The following ASIC2 variants were observed in gnomAD, a reference collection of about 807,000 sequenced individuals.
The protein encoded by ASIC2 is acid-sensing ion channel 2.
Under a neutral mutation model 57.3 loss-of-function variants are expected in ASIC2, and 25 were observed. The ratio of observed to expected loss-of-function variants is 0.44; its 90% CI spans 0.32 to 0.61. The LOEUF (loss-of-function observed/expected upper bound fraction) is 0.61. Among genes scored for constraint, ASIC2 ranks in the 20% least tolerant of loss-of-function variants. The probability of loss-of-function intolerance (pLI) is 0.06; values close to 1 mark genes in which losing one functional copy is unlikely to be tolerated. For synonymous variants in ASIC2, 319 were observed against 307.5 expected, an observed-to-expected ratio of 1.04 and a Z score of -0.39; for missense variants, 641 against 738.1, an observed-to-expected ratio of 0.87 and a Z score of 1.52.
chr17:33,130,939 C>T (rs1409028104), intron 1 of ASIC2, among the ~76,000 whole-genome samples: 1 of 152,180 alleles, frequency 6.6e-6, no homozygotes, highest in African/African-American at 2.4e-5. Flanking sequence ...ATCCACATGC[C>T]ACTGCTTATC....
At chr17:33,516,777 T>G (rs544603928) in intron 1 of ASIC2, among the ~76,000 whole-genome samples, 3 of 152,336 alleles carry the variant, frequency 2.0e-5, no homozygotes, top group African/African-American at 7.2e-5. Context: ...TCCCTGTCTC[T>G]GGGACACTTT....
At chr17:33,234,484 C>A (rs1272835991) in intron 1 of ASIC2, among the ~76,000 whole-genome samples, 1 of 152,164 alleles carries the variant, frequency 6.6e-6, no homozygotes, top group Non-Finnish European at 1.5e-5. Context: ...CTTCTCTGCC[C>A]ACAGGCACTC....
At chr17:33,981,026 C>T (rs1367862790) in intron 1 of ASIC2, among the ~76,000 whole-genome samples, 1 of 150,976 alleles carries the variant, frequency 6.6e-6, no homozygotes, top group Non-Finnish European at 1.5e-5. Context: ...ACCTCTGCCT[C>T]CTGGGTTCAA....
intron 1 of ASIC2, among the ~76,000 whole-genome samples, chr17:33,732,691 G>A (rs895432226): frequency 1.3e-5 from 2 of 151,910 alleles, no homozygotes; most frequent in Admixed American, 1.3e-4. Flanking sequence ...AGGCTGGAGT[G>A]CAGTGGTGAG....
intron 1 of ASIC2, among the ~76,000 whole-genome samples, chr17:33,130,298 C>T (rs1268021209): frequency 6.6e-6 from 1 of 152,132 alleles, no homozygotes; most frequent in Non-Finnish European, 1.5e-5. Flanking sequence ...CCCTTCCTCC[C>T]CCTCCTCATC....
intron 1 of ASIC2, among the ~76,000 whole-genome samples, chr17:33,834,865 C>A (rs1307483724): frequency 6.6e-6 from 1 of 152,122 alleles, no homozygotes; most frequent in African/African-American, 2.4e-5. Flanking sequence ...GTCCTGTTCA[C>A]CATGTTGGCC....
intron 1 of ASIC2, among the ~76,000 whole-genome samples, chr17:33,558,609 G>A (rs1329768122): frequency 6.6e-6 from 1 of 152,150 alleles, no homozygotes; most frequent in Non-Finnish European, 1.5e-5. Context: ...TTTCTCTTGA[G>A]GGCCAGATAG....
intron 1 of ASIC2, chr17:34,001,699 C>G (rs967907342): frequency 6.6e-6 from 1 of 152,288 alleles, no homozygotes; most frequent in Non-Finnish European, 1.5e-5. Context: ...TAGAGGGTAT[C>G]TCCATGATGT....
chr17:33,267,803 A>G (rs978441462), intron 1 of ASIC2, among the ~76,000 whole-genome samples: 1 of 152,242 alleles, frequency 6.6e-6, no homozygotes, highest in Admixed American at 6.5e-5. Flanking sequence ...TGGGGTGAGT[A>G]GCACATGAGG....
At chr17:33,521,250 C>T (rs1219611335) in intron 1 of ASIC2, among the ~76,000 whole-genome samples, 1 of 152,040 alleles carries the variant, frequency 6.6e-6, no homozygotes, top group Non-Finnish European at 1.5e-5. Context: ...CTGTCGTCGG[C>T]CAAGGGGTAT....
intron 9 of ASIC2, 45 bp downstream of exon 9, chr17:33,015,926 A>G: frequency 6.2e-7 from 1 of 1,607,358 alleles, no homozygotes; most frequent in Non-Finnish European, 8.5e-7. Context: ...CTGCCGGTAC[A>G]AGCCAGAGCA....
At chr17:34,047,149 C>T (rs1481765795) in intron 1 of ASIC2, among the ~76,000 whole-genome samples, 2 of 152,122 alleles carry the variant, frequency 1.3e-5, no homozygotes, top group East Asian at 3.9e-4. Context: ...AGACCATGCA[C>T]TTAACCATTT....
intron 1 of ASIC2, among the ~76,000 whole-genome samples, chr17:33,255,733 T>C (rs1909044885): frequency 6.6e-6 from 1 of 152,246 alleles, no homozygotes; most frequent in African/African-American, 2.4e-5. Context: ...AGGCTCTAAA[T>C]AGCAGGATGG....
intron 1 of ASIC2, among the ~76,000 whole-genome samples, chr17:34,111,170 G>A (rs1911259503): frequency 6.6e-6 from 1 of 151,732 alleles, no homozygotes; most frequent in African/African-American, 2.4e-5. Flanking sequence ...AAGTTGCAGT[G>A]AGCGGAGATC....
chr17:33,489,276 C>A (rs1913675362), intron 1 of ASIC2, among the ~76,000 whole-genome samples: 1 of 152,194 alleles, frequency 6.6e-6, no homozygotes, highest in African/African-American at 2.4e-5. Flanking sequence ...CACACATGGT[C>A]TTACTTCATG....
chr17:33,468,633 A>C (rs1263467029), intron 1 of ASIC2, among the ~76,000 whole-genome samples: 3 of 151,802 alleles, frequency 2.0e-5, no homozygotes, highest in African/African-American at 4.8e-5. Flanking sequence ...CCTCACCACA[A>C]CTTTATAATA....
In ASIC2 at chr17:34,044,136, A is replaced by G. The variant is rs1469258176; in HGVS notation, c.555+111842T>C. ...CACACACACACACACGCACGCACAC[A>G]CACACACACACACCAAGAAGAAGGC... is the stretch of plus-strand genomic sequence containing the variant. On this transcript the variant is annotated intron_variant, in intron 1 of 9. Transcript: ENST00000359872. Among the ~76,000 whole-genome samples, 8 of 137,104 alleles carry G rather than the reference A, an allele frequency of 5.8e-5. No individual in the cohort carries two copies. The South Asian group carries it at 1.7e-3, about 29-fold the overall frequency. 89.9% of individuals were successfully genotyped at this position (137,104 alleles called of 152,430 possible). A position where few individuals can be genotyped will look rare whatever the true frequency, so the allele number is the denominator to read the frequency against.
At chr17:33,776,130 CTCA>C (rs1567712622) in intron 1 of ASIC2, among the ~76,000 whole-genome samples, 1 of 51,024 alleles carries the variant, frequency 2.0e-5, no homozygotes, top group Non-Finnish European at 4.2e-5. Context: ...AAGACTCTGT[CTCA>C]AAAAAAAAAA....
At position 33,292,141 on chromosome 17, in the gene ASIC2, C is replaced by T; in HGVS notation, c.-26G>A. 1 of 1,032,540 alleles carries T rather than the reference C, an allele frequency of 9.7e-7. No individual in the cohort carries two copies. Among genetic ancestry groups the T allele is most frequent in the Non-Finnish European group, 1.2e-6 (1 of 862,726 alleles). The allele number at this position is 1,032,540 out of a possible 1,614,324, so 64.0% of individuals were successfully genotyped here. On this transcript the variant is annotated 5_prime_UTR_variant, in exon 1 of 10. Coordinates refer to ENST00000225823, the MANE Select transcript of ASIC2 (RefSeq NM_183377.2). ...TCATTCAGCCCGCGGCTGGCGGCAG[C>T]GGCGGCGGCCCCGGCCGGGCGGAGC...
Sources: gnomAD v4.1 joint callset for allele counts (sites outside exome capture counted in the v4.1 genomes callset) on GRCh38, gnomAD v4.1.1 for gene constraint, MANE v1.5 for transcripts, NCBI Gene and HGNC (gene_info 2026-07-23, HGNC 2026-07-21) for gene names.